Variants in HLTF observed in about 807,000 individuals in gnomAD.
The protein encoded by HLTF is helicase like transcription factor, also known as DNA-dependent ATPase/E3 ubiquitin-protein ligase HLTF.
HLTF carries 127 observed loss-of-function variants against 129.4 expected under a neutral mutation model. The observed-to-expected ratio is 0.98, with a 90% CI of 0.85 to 1.14. The LOEUF is 1.14. Among genes scored for constraint, HLTF ranks in the 50% most tolerant of loss-of-function variants. The pLI is 0.00. For missense variants in HLTF, 1,139 were observed against 1,187.1 expected, an observed-to-expected ratio of 0.96 and a Z score of 0.60; for synonymous variants, 332 against 388.8, an observed-to-expected ratio of 0.85 and a Z score of 1.72.
At chr3:149,077,503 A>G (rs1719478413) in intron 2 of HLTF, among the ~76,000 whole-genome samples, 1 of 152,014 alleles carries the variant, frequency 6.6e-6, no homozygotes. Flanking sequence ...TGTCAAAACA[A>G]TTTTACAGGA....
chr3:149,036,128 A>C (rs1452840273), intron 23 of HLTF, among the ~76,000 whole-genome samples: 8 of 151,374 alleles, frequency 5.3e-5, no homozygotes, highest in Non-Finnish European at 7.4e-5. Flanking sequence ...GAGCGAGACT[A>C]CATCTCAAAA....
intron 8 of HLTF, among the ~76,000 whole-genome samples, chr3:149,067,825 A>C (rs1478812941): frequency 6.6e-6 from 1 of 152,142 alleles, no homozygotes; most frequent in Non-Finnish European, 1.5e-5. Context: ...CAATTTTAAG[A>C]CTCCTGATAC....
At chr3:149,067,530 T>C (rs1406647235) in intron 8 of HLTF, among the ~76,000 whole-genome samples, 1 of 152,056 alleles carries the variant, frequency 6.6e-6, no homozygotes, top group Non-Finnish European at 1.5e-5. Flanking sequence ...AGAGACAGGG[T>C]CTCACAGTGT....
intron 14 of HLTF, among the ~76,000 whole-genome samples, chr3:149,051,698 TA>T (rs1717014769): frequency 6.6e-6 from 1 of 152,060 alleles, no homozygotes; most frequent in African/African-American, 2.4e-5. Flanking sequence ...CTGCCTCTAC[TA>T]AAAATACAAA....
In HLTF at chr3:149,036,578, C is replaced by T. The variant is rs566219018; in HGVS notation, c.2797-1580G>A. The stretch of plus-strand genomic sequence containing the variant: ...TGCTGGGATTACAGGCATGAGCCTC[C>T]GCGCCAGGCCATATTACCCCAATAC... On this transcript the variant is annotated intron_variant, in intron 23 of 24. Coordinates refer to ENST00000310053, the MANE Select transcript of HLTF (RefSeq NM_003071.4). 1.9e-4 allele frequency among the ~76,000 whole-genome samples: 29 copies of T among 152,076 alleles called. 1 individual carries two copies. The South Asian group carries it at 3.7e-3, about 20-fold the overall frequency.
chr3:149,068,736 AAAGAT>A (rs376459436), intron 7 of HLTF, among the ~76,000 whole-genome samples: 30 of 152,292 alleles, frequency 2.0e-4, no homozygotes, highest in African/African-American at 6.3e-4. Context: ...AATTTGACTT[AAAGAT>A]AATACCAAGC....
chr3:149,071,750 C>A lies in HLTF; in HGVS notation c.628-93G>T, dbSNP rs537748836. On this transcript the variant is annotated intron_variant, in intron 5 of 24. Coordinates refer to ENST00000310053, the MANE Select transcript of HLTF (RefSeq NM_003071.4). ...GATTTGAAATCATTTAATTAACTGG[C>A]GTTAATGTCAAACGGGCCAGGAGTG... is the stretch of plus-strand genomic sequence containing the variant. The A allele has an allele frequency of 6.2e-5, 52 of 840,450 alleles. No homozygotes were observed. In the African/African-American group the frequency reaches 6.7e-4, roughly 11 times the overall value. The allele number at this position is 840,450 out of a possible 1,614,324, so 52.1% of individuals were successfully genotyped here. A position where few individuals can be genotyped will look rare whatever the true frequency, so the allele number is the denominator to read the frequency against.
At chr3:149,080,849 T>C (rs1719801108) in intron 2 of HLTF, among the ~76,000 whole-genome samples, 1 of 151,552 alleles carries the variant, frequency 6.6e-6, no homozygotes, top group African/African-American at 2.4e-5. Context: ...AAGACAAGAA[T>C]AACAAAAGGA....
chr3:149,085,179 A>G (rs990924033), intron 1 of HLTF, among the ~76,000 whole-genome samples: 6 of 152,174 alleles, frequency 3.9e-5, no homozygotes, highest in Non-Finnish European at 5.9e-5. Flanking sequence ...CTAAATTGAT[A>G]TGTATATGAT....
intron 2 of HLTF, among the ~76,000 whole-genome samples, chr3:149,079,626 T>A (rs932079744): frequency 6.6e-6 from 1 of 152,100 alleles, no homozygotes; most frequent in African/African-American, 2.4e-5. Context: ...GACAGAGTCT[T>A]GCTGTCACCA....
chr3:149,063,110 A>T (rs1433890062), intron 10 of HLTF: 1 of 461,804 alleles, frequency 2.2e-6, no homozygotes, highest in South Asian at 1.6e-5. Context: ...CCCAGGCTGC[A>T]GTGCAGTGGT....
At chr3:149,063,635 A>G in intron 9 of HLTF, 111 bp from the exon 10 acceptor site, 1 of 635,680 alleles carries the variant, frequency 1.6e-6, no homozygotes, top group Non-Finnish European at 2.8e-6. Flanking sequence ...TTTTCTTAAG[A>G]TCTTCATTCC....
Position 149,074,246 on chromosome 3 carries a change from T to C in HLTF, c.498A>G (p.Lys166=). 1 of 1,613,476 alleles carries C rather than the reference T, an allele frequency of 6.2e-7. No individual in the cohort carries two copies. Among genetic ancestry groups the C allele is most frequent in the South Asian group, 1.1e-5 (1 of 91,026 alleles). The stretch of plus-strand genomic sequence containing the variant: ...GTGCAGGACCCAATTTAAATCCATG[T>C]TTCTTCAACTGATCTGAAACCGCTT... ...NRKAVSDQLK[K]HGFKLGPAPK... is the part of the protein sequence containing the mutation. Residue 166 remains lysine (K), a synonymous_variant, in exon 4 of 25, where the codon AAA becomes AAG. Coordinates refer to ENST00000310053, the MANE Select transcript of HLTF (RefSeq NM_003071.4).
Position 149,050,359 on chromosome 3 carries a change from T to C in HLTF, c.1490A>G (p.His497Arg), listed in dbSNP as rs1716885837. 3.8e-6 allele frequency: 6 copies of C among 1,589,246 alleles called. No individual in the cohort carries two copies. In the Admixed American group the frequency reaches 8.7e-5, roughly 23 times the overall value. The change falls in exon 15 of 25, where the codon CAT becomes CGT. Residue 497 changes from histidine (H) to arginine (R), a missense_variant. His to Arg is a conservative substitution (Grantham distance 29). Coordinates refer to ENST00000310053, the MANE Select transcript of HLTF (RefSeq NM_003071.4). ...LSNWIDQFGQHIKSDVHLNFY... is the reference protein window; with the variant it reads ...LSNWIDQFGQRIKSDVHLNFY... ...ATTCAAGTGTACATCTGATTTTATA[T>C]GTTGTCCAAACTGGTCCTAAAGAAA...
At chr3:149,059,847 A>T (rs770007905) in intron 12 of HLTF, 40 bp from the exon 13 acceptor site, 7 of 1,303,584 alleles carry the variant, frequency 5.4e-6, no homozygotes, top group South Asian at 1.3e-5. Context: ...TTTTCAAATT[A>T]TCTCCTGTGC....
At chr3:149,064,406 AT>A (rs1718187637) in intron 9 of HLTF, among the ~76,000 whole-genome samples, 1 of 152,224 alleles carries the variant, frequency 6.6e-6, no homozygotes, top group Non-Finnish European at 1.5e-5. Flanking sequence ...TGACTTCAGA[AT>A]TTGGCTCTAA....
chr3:149,044,437 C>T (rs1716372759), intron 18 of HLTF, among the ~76,000 whole-genome samples: 1 of 152,096 alleles, frequency 6.6e-6, no homozygotes, highest in Admixed American at 6.5e-5. Flanking sequence ...GAGTGCCTAC[C>T]ATGTGCTAAA....
At chr3:149,035,639 A>T (rs188467234) in intron 23 of HLTF, among the ~76,000 whole-genome samples, 5 of 109,712 alleles carry the variant, frequency 4.6e-5, no homozygotes, top group Non-Finnish European at 8.3e-5. Flanking sequence ...AGACTGGGCG[A>T]CAGCGAGACT....
intron 15 of HLTF, 55 bp from the exon 16 acceptor site, chr3:149,049,056 A>C (rs1013803003): frequency 4.9e-6 from 6 of 1,231,062 alleles, no homozygotes; most frequent in Non-Finnish European, 7.0e-6. Context: ...AATAGTACTT[A>C]ATATGATTTG....
Sources: gnomAD v4.1 joint callset for allele counts (sites outside exome capture counted in the v4.1 genomes callset) on GRCh38, gnomAD v4.1.1 for gene constraint, MANE v1.5 for transcripts, NCBI Gene and HGNC (gene_info 2026-07-23, HGNC 2026-07-21) for gene names.